TJP1: variants seen among roughly 807,000 people sequenced by gnomAD.
TJP1 encodes the protein tight junction protein ZO-1.
TJP1 carries 43 observed loss-of-function variants against 194.2 expected under a neutral mutation model. The observed-to-expected ratio is 0.22, with a 90% CI of 0.17 to 0.29. The LOEUF (loss-of-function observed/expected upper bound fraction) is 0.29, where lower values mean the gene tolerates loss of function less well. Among genes scored for constraint, TJP1 ranks in the 10% least tolerant of loss-of-function variants. The pLI, the probability that TJP1 is intolerant of heterozygous loss-of-function variation, is 1.00. For synonymous variants in TJP1, 801 were observed against 779.0 expected (o/e 1.03, Z -0.47); for missense variants, 1,971 against 2,185.7 (o/e 0.90, Z 1.96).
Position 29,924,990 on chromosome 15 carries a change from C to A in TJP1, c.306+31242G>T, listed in dbSNP as rs530212371. The stretch of plus-strand genomic sequence containing the variant: ...AATGCAGTGGCTGTGAACAGCAAGG[C>A]TAATCCCATGGGAATGGTGGCTGTG... On this transcript the variant is annotated intron_variant, in intron 2 of 28. Coordinates refer to the TJP1 transcript ENST00000356107. 2.0e-5 allele frequency among the ~76,000 whole-genome samples: 3 copies of A among 152,330 alleles called. No homozygotes were observed. The East Asian group carries it at 5.8e-4, about 29-fold the overall frequency.
intron 8 of TJP1, among the ~76,000 whole-genome samples, chr15:29,750,056 G>A (rs1214092878): frequency 6.6e-6 from 1 of 151,410 alleles, no homozygotes; most frequent in Non-Finnish European, 1.5e-5. Flanking sequence ...ACCCAGGCTG[G>A]AAGTGCAGTG....
chr15:29,787,548 T>C (rs866630188), intron 2 of TJP1, among the ~76,000 whole-genome samples: 2 of 152,186 alleles, frequency 1.3e-5, no homozygotes, highest in South Asian at 4.1e-4. Flanking sequence ...ACCACTAATA[T>C]AACTCTCTAT....
At chr15:29,793,471 TAA>T (rs144898152) in intron 2 of TJP1, among the ~76,000 whole-genome samples, 14 of 152,094 alleles carry the variant, frequency 9.2e-5, no homozygotes, top group African/African-American at 3.4e-4. Flanking sequence ...GCAATTTATA[TAA>T]AAAAAGAGTT....
intron 8 of TJP1, among the ~76,000 whole-genome samples, chr15:29,756,409 T>C (rs918245788): frequency 2.0e-5 from 3 of 152,224 alleles, no homozygotes; most frequent in Admixed American, 6.5e-5. Context: ...TTGGAAACTT[T>C]TTCTGTAATT....
chr15:29,804,217 C>A (rs1292663708), intron 1 of TJP1, among the ~76,000 whole-genome samples: 1 of 151,946 alleles, frequency 6.6e-6, no homozygotes, highest in Non-Finnish European at 1.5e-5. Flanking sequence ...TGAACAAACA[C>A]GTAAATATGT....
At position 29,740,545 on chromosome 15, in the gene TJP1, T is replaced by C. The variant is rs148466514; in HGVS notation, c.1256+786A>G. Among the ~76,000 whole-genome samples the C allele has an allele frequency of 2.9e-3, 435 of 151,922 alleles. 3 individuals carry two copies. Among genetic ancestry groups the C allele is most frequent in the African/African-American group, 1.0e-2 (412 of 41,398 alleles). ...TACTCAGGAGGCTGAGGTGGGAGGA[T>C]TGTTTGAGCCCAAGAGGCAGAGGTT... On this transcript the variant is annotated intron_variant, in intron 10 of 27. Transcript: ENST00000614355.
At chr15:29,865,473 G>A (rs1258121676) in intron 2 of TJP1, among the ~76,000 whole-genome samples, 1 of 152,174 alleles carries the variant, frequency 6.6e-6, no homozygotes, top group Non-Finnish European at 1.5e-5. Flanking sequence ...TACAAGGAAG[G>A]AAAGTTGCCA....
In TJP1 at chr15:29,934,467, GAGA is replaced by G. The variant is rs201290675; in HGVS notation, c.306+21762_306+21764del. Among the ~76,000 whole-genome samples the G allele has an allele frequency of 7.9e-5, 12 of 152,296 alleles. No homozygotes were observed. In the East Asian group the frequency reaches 2.3e-3, roughly 29 times the overall value. On this transcript the variant is annotated intron_variant, in intron 2 of 28. Coordinates refer to the TJP1 transcript ENST00000356107. ...ATATTGAGGTTGCCCTTTTGTAACT[GAGA>G]AGTAGGGCTGGGTTGTCACTGTGAT...
At chr15:29,855,382 G>A (rs2948552) in intron 2 of TJP1, among the ~76,000 whole-genome samples, 57,206 of 151,866 alleles carry the variant, frequency 0.38, 11,502 homozygotes, top group African/African-American at 0.52. Flanking sequence ...CAACTGGTAT[G>A]AAAATCTAGT....
chr15:29,906,800 G>A (rs1294831401), intron 2 of TJP1, among the ~76,000 whole-genome samples: 2 of 151,654 alleles, frequency 1.3e-5, no homozygotes, highest in Admixed American at 6.6e-5. Flanking sequence ...GGCTAGTCTC[G>A]AACTCCTGAC....
chr15:29,793,050 G>A (rs2048193485), intron 2 of TJP1, among the ~76,000 whole-genome samples: 1 of 152,160 alleles, frequency 6.6e-6, no homozygotes, highest in South Asian at 2.1e-4. Context: ...ACTATTGTCT[G>A]CAAACAAGGG....
At chr15:29,878,608 G>A (rs1037970019) in intron 2 of TJP1, among the ~76,000 whole-genome samples, 24 of 151,652 alleles carry the variant, frequency 1.6e-4, no homozygotes, top group African/African-American at 5.3e-4. Context: ...AAAAAAAAAG[G>A]AGCCTCCGGA....
rs753798947 is a variant in TJP1 at position 29,761,184 on chromosome 15, G to A, written c.965C>T (p.Pro322Leu). 7.4e-6 allele frequency: 12 copies of A among 1,613,830 alleles called. No homozygotes were observed. Among genetic ancestry groups the A allele is most frequent in the Non-Finnish European group, 1.0e-5 (12 of 1,179,922 alleles). Residue 322 changes from proline (P) to leucine (L), a missense_variant, in exon 8 of 28, where the codon CCT (proline) becomes CTT (leucine). By Grantham distance (98) the Pro-to-Leu change is moderately conservative. Around this residue, in one of 5 missense-constraint regions of TJP1, gnomAD observed 192 missense variants for 182.3 expected, o/e 1.05. Coordinates refer to ENST00000614355, the MANE Select transcript of TJP1 (RefSeq NM_001330239.4). ...RSRSPDQRSEPSDHSRHSPQQ... is the reference protein window; with the variant it reads ...RSRSPDQRSELSDHSRHSPQQ... ...CGGCGAGTGCCTGGAATGATCAGAAGGCTCTGACCGCTGGTCAGGAGATCG... is the reference window on the plus strand; with the variant it reads ...CGGCGAGTGCCTGGAATGATCAGAAAGCTCTGACCGCTGGTCAGGAGATCG...
chr15:29,948,904 A>G (rs2055381144), intron 2 of TJP1, among the ~76,000 whole-genome samples: 1 of 151,838 alleles, frequency 6.6e-6, no homozygotes, highest in African/African-American at 2.4e-5. Flanking sequence ...CTCCACATCT[A>G]CTACTAATAA....
chr15:29,902,949 G>A (rs1449391043), intron 2 of TJP1, among the ~76,000 whole-genome samples: 2 of 151,986 alleles, frequency 1.3e-5, no homozygotes, highest in African/African-American at 2.4e-5. Context: ...CAGGAGAATC[G>A]CTTGAACCTG....
chr15:29,908,733 G>A (rs1028826431), intron 2 of TJP1, among the ~76,000 whole-genome samples: 3 of 152,114 alleles, frequency 2.0e-5, no homozygotes, highest in Non-Finnish European at 4.4e-5. Context: ...TTAAAAAGAG[G>A]CTCGGCCGGG....
intron 2 of TJP1, among the ~76,000 whole-genome samples, chr15:29,894,862 G>A (rs1014356302): frequency 2.6e-5 from 4 of 152,228 alleles, no homozygotes; most frequent in Admixed American, 6.5e-5. Flanking sequence ...TACTGACTCT[G>A]TCTCCTGGAG....
At chr15:29,946,288 A>G (rs1377983716) in intron 2 of TJP1, among the ~76,000 whole-genome samples, 1 of 152,258 alleles carries the variant, frequency 6.6e-6, no homozygotes, top group Non-Finnish European at 1.5e-5. Context: ...CTATTTGGCA[A>G]TCAGCATAGA....
In TJP1 at chr15:29,708,610, G is replaced by C; in HGVS notation, c.4799C>G (p.Pro1600Arg). 1 of 1,614,036 alleles carries C rather than the reference G, an allele frequency of 6.2e-7. No individual in the cohort carries two copies. The highest frequency in any genetic ancestry group is 2.2e-5 in the East Asian group (1 of 44,876). Residue 1600 changes from proline (P) to arginine (R), a missense_variant, in exon 25 of 28, where the codon CCT becomes CGT. Pro to Arg is a moderately radical substitution (Grantham distance 103, BLOSUM62 -2). Coordinates refer to ENST00000614355, the MANE Select transcript of TJP1 (RefSeq NM_001330239.4). Reference sequence around the variant, plus strand: ...GCTGATATTATTTATTTGATATTTAGGCTTCTCTGCATGGATAGAGAAAGT... The same window carrying C: ...GCTGATATTATTTATTTGATATTTACGCTTCTCTGCATGGATAGAGAAAGT... Reference protein sequence around the residue: ...VETFSIHAEKPKYQINNISTV... With the variant: ...VETFSIHAEKRKYQINNISTV...
Sources: allele counts gnomAD v4.1 joint callset (sites outside exome capture counted in the v4.1 genomes callset), GRCh38; gene constraint gnomAD v4.1.1; regional missense constraint gnomAD v4.1.1; transcripts MANE v1.5; gene names NCBI Gene and HGNC (gene_info 2026-07-23, HGNC 2026-07-21).